UGT1A8: variants seen among roughly 807,000 people sequenced by gnomAD.
The protein encoded by UGT1A8 is UDP-glucuronosyltransferase 1A8.
UGT1A8 carries 39 observed loss-of-function variants against 45.3 expected under a neutral mutation model. The ratio of observed to expected loss-of-function variants is 0.86; its 90% confidence interval spans 0.67 to 1.12. UGT1A8 has a LOEUF of 1.12. Ranked by LOEUF, UGT1A8 falls within the 50% of genes most tolerant of loss-of-function variation. UGT1A8 has a pLI of 0.00. For synonymous variants in UGT1A8, 275 were observed against 249.2 expected, an observed-to-expected ratio of 1.10 and a Z score of -0.97; for missense variants, 719 against 664.9, an observed-to-expected ratio of 1.08 and a Z score of -0.90.
intron 1 of UGT1A8, chr2:233,760,950 T>C: frequency 1.2e-6 from 2 of 1,614,226 alleles, no homozygotes; most frequent in East Asian, 2.2e-5. Context: ...CACAGAACTT[T>C]CTGTGCGACG....
At chr2:233,670,382 G>T (rs1212423630) in intron 1 of UGT1A8, among the ~76,000 whole-genome samples, 1 of 152,102 alleles carries the variant, frequency 6.6e-6, no homozygotes, top group Non-Finnish European at 1.5e-5. Flanking sequence ...TGACTTTTTT[G>T]CCTTTGCAAT....
At chr2:233,636,667 A>G (rs970411193) in intron 1 of UGT1A8, 4 of 1,614,048 alleles carry the variant, frequency 2.5e-6, no homozygotes, top group Non-Finnish European at 3.4e-6. Flanking sequence ...GGAGAAACTT[A>G]TCCTCAGGGG....
At chr2:233,710,391 A>G (rs2076129551) in intron 1 of UGT1A8, among the ~76,000 whole-genome samples, 1 of 152,224 alleles carries the variant, frequency 6.6e-6, no homozygotes. Context: ...GCAACGCATT[A>G]GAGTTCTGGC....
At chr2:233,725,020 A>T (rs1183477973) in intron 1 of UGT1A8, among the ~76,000 whole-genome samples, 2 of 147,776 alleles carry the variant, frequency 1.4e-5, no homozygotes. Flanking sequence ...AAACAGCAAA[A>T]CCCGGTCTCC....
chr2:233,648,823 T>G, intron 1 of UGT1A8: 1 of 1,051,594 alleles, frequency 9.5e-7, no homozygotes. Context: ...AGAGGAGCAT[T>G]TATTTTGCCC....
At chr2:233,624,317 G>T (rs143605145) in intron 1 of UGT1A8, among the ~76,000 whole-genome samples, 1 of 152,230 alleles carries the variant, frequency 6.6e-6, no homozygotes, top group African/African-American at 2.4e-5. Flanking sequence ...GTTTTGAGCA[G>T]TCCTGGTCAG....
rs905370510 is a variant in UGT1A8, at chr2:233,664,719, C to T, written c.855+46157C>T. On this transcript the variant is annotated intron_variant, in intron 1 of 4. Transcript: ENST00000373450. ...GGGATCCACCCCCATGATCCAAACA[C>T]CTCCCACCAGGCCCCACCTCCAACA... Among the ~76,000 whole-genome samples the T allele has an allele frequency of 1.8e-4, 27 of 152,174 alleles. 1 individual carries two copies. Among genetic ancestry groups the T allele is most frequent in the Non-Finnish European group, 7.4e-5 (5 of 68,026 alleles).
At chr2:233,644,513 A>T (rs2073548444) in intron 1 of UGT1A8, among the ~76,000 whole-genome samples, 1 of 152,150 alleles carries the variant, frequency 6.6e-6, no homozygotes, top group Non-Finnish European at 1.5e-5. Flanking sequence ...GTGAGCCAAG[A>T]TCATACCACT....
At chr2:233,765,738 C>T (rs1341217365) in intron 1 of UGT1A8, among the ~76,000 whole-genome samples, 1 of 147,306 alleles carries the variant, frequency 6.8e-6, no homozygotes, top group Non-Finnish European at 1.5e-5. Flanking sequence ...AATAAATAAA[C>T]CCATAAAGCC....
rs549328655 is a variant in UGT1A8 at position 233,768,346 on chromosome 2, T to C, written c.1202T>C (p.Met401Thr). 31 of 1,614,146 alleles carry C rather than the reference T, an allele frequency of 1.9e-5. No individual in the cohort carries two copies. Among genetic ancestry groups the C allele is most frequent in the Non-Finnish European group, 2.5e-5 (30 of 1,180,016 alleles). ...GATCAGATGGACAATGCAAAGCGCA[T>C]GGAGACTAAGGGAGCTGGAGTGACC... ...FGDQMDNAKR[M>T]ETKGAGVTLN... Residue 401 changes from methionine to threonine, a missense_variant, in exon 4 of 5, where the codon ATG becomes ACG. Physicochemically the swap from Met to Thr is moderately conservative, Grantham distance 81 (BLOSUM62 -1). Transcript: ENST00000373450.
At chr2:233,716,025 T>C (rs1312533975) in intron 1 of UGT1A8, among the ~76,000 whole-genome samples, 1 of 152,226 alleles carries the variant, frequency 6.6e-6, no homozygotes, top group African/African-American at 2.4e-5. Flanking sequence ...ATAGTTTCTT[T>C]TGATGTCAGC....
chr2:233,698,451 T>A (rs190964166), intron 1 of UGT1A8, among the ~76,000 whole-genome samples: 37 of 152,294 alleles, frequency 2.4e-4, no homozygotes, highest in Admixed American at 2.1e-3. Flanking sequence ...TCACAGATCA[T>A]AGAAAATGAA....
chr2:233,719,509 C>T (rs372293131), intron 1 of UGT1A8: 20 of 1,613,850 alleles, frequency 1.2e-5, no homozygotes, highest in Non-Finnish European at 1.7e-5. Context: ...TTTTCTGCCC[C>T]TTATGCAAGT....
chr2:233,736,062 G>T (rs1463600658), intron 1 of UGT1A8, among the ~76,000 whole-genome samples: 1 of 152,174 alleles, frequency 6.6e-6, no homozygotes, highest in East Asian at 1.9e-4. Flanking sequence ...GGCCTGCCTT[G>T]CTAGGTTTGG....
intron 1 of UGT1A8, among the ~76,000 whole-genome samples, chr2:233,720,704 C>CTT (rs796417980): frequency 5.7e-5 from 8 of 139,174 alleles, no homozygotes; most frequent in Non-Finnish European, 9.4e-5. Context: ...GGGAGCCATC[C>CTT]TTTTTTTTTT....
rs1437497782 is a variant in UGT1A8 at position 233,724,378 on chromosome 2, G to T, written c.856-42656G>T. Among the ~76,000 whole-genome samples the T allele has an allele frequency of 2.7e-3, 397 of 146,668 alleles. 3 individuals carry two copies. Among genetic ancestry groups the T allele is most frequent in the African/African-American group, 9.7e-3 (383 of 39,674 alleles). ...CCCTCCCGGACGGGGTGGCTGCCGG[G>T]CGGAGACGCTCCTCACTTCCCAGAT... On this transcript the variant is annotated intron_variant, in intron 1 of 4. Transcript: ENST00000373450.
intron 1 of UGT1A8, among the ~76,000 whole-genome samples, chr2:233,685,567 C>T (rs1191713801): frequency 6.6e-6 from 1 of 152,184 alleles, no homozygotes; most frequent in African/African-American, 2.4e-5. Flanking sequence ...TCAAATTTAC[C>T]TGTTACTGGG....
chr2:233,727,661 T>A (rs1292890743), intron 1 of UGT1A8, among the ~76,000 whole-genome samples: 1 of 152,208 alleles, frequency 6.6e-6, no homozygotes, highest in Non-Finnish European at 1.5e-5. Flanking sequence ...TAGTGCTCTA[T>A]GTCCTTACAA....
intron 1 of UGT1A8, among the ~76,000 whole-genome samples, chr2:233,639,971 G>A (rs574479169): frequency 1.3e-5 from 2 of 152,314 alleles, no homozygotes; most frequent in Admixed American, 1.3e-4. Flanking sequence ...CAGAATTGAT[G>A]ACTGGTTTTA....
Sources: gnomAD v4.1 joint callset for allele counts (sites outside exome capture counted in the v4.1 genomes callset) on GRCh38, gnomAD v4.1.1 for gene constraint, MANE v1.5 for transcripts, NCBI Gene and HGNC (gene_info 2026-07-23, HGNC 2026-07-21) for gene names.